Variants in CRIM1 observed in about 807,000 individuals in gnomAD.
The protein encoded by CRIM1 is cysteine-rich motor neuron 1 protein.
Under a neutral mutation model 116.4 loss-of-function variants are expected in CRIM1, and 32 were observed. That is an observed-to-expected ratio of 0.27 (90% confidence interval 0.21 to 0.37). CRIM1 has a LOEUF of 0.37. Among genes scored for constraint, CRIM1 ranks in the 10% least tolerant of loss-of-function variants. The pLI is 1.00. For synonymous variants in CRIM1, 590 were observed against 509.2 expected (o/e 1.16, Z -2.13); for missense variants, 1,331 against 1,354.8 (o/e 0.98, Z 0.28).
At chr2:36,394,704 C>T (rs1283250956) in intron 1 of CRIM1, among the ~76,000 whole-genome samples, 3 of 151,740 alleles carry the variant, frequency 2.0e-5, no homozygotes, top group African/African-American at 7.3e-5. Context: ...TTAAATAAAA[C>T]ATAAATTGTG....
At chr2:36,357,867 A>G (rs376961742) in intron 1 of CRIM1, among the ~76,000 whole-genome samples, 1 of 152,304 alleles carries the variant, frequency 6.6e-6, no homozygotes, top group East Asian at 1.9e-4. Flanking sequence ...TTTGTTTAGT[A>G]TGCTGGGATA....
intron 8 of CRIM1, among the ~76,000 whole-genome samples, chr2:36,501,139 C>T (rs867023868): frequency 3.9e-5 from 6 of 152,150 alleles, no homozygotes; most frequent in Admixed American, 6.5e-5. Flanking sequence ...CCATTCTCTT[C>T]GATCTCTCTC....
intron 2 of CRIM1, 71 bp from the exon 3 acceptor site, chr2:36,441,186 AC>A (rs1300112404): frequency 6.3e-7 from 1 of 1,589,096 alleles, no homozygotes; most frequent in African/African-American, 1.3e-5. Context: ...GATCATCAGG[AC>A]TGTTTGTTCT....
At chr2:36,411,880 G>A (rs1036075210) in intron 2 of CRIM1, among the ~76,000 whole-genome samples, 2 of 152,060 alleles carry the variant, frequency 1.3e-5, no homozygotes, top group Admixed American at 6.6e-5. Flanking sequence ...GCTTATAGAG[G>A]ATAAGCTATG....
At chr2:36,517,187 C>T (rs2125120901) in intron 11 of CRIM1, 140 bp from the exon 12 acceptor site, 1 of 654,324 alleles carries the variant, frequency 1.5e-6, no homozygotes, top group East Asian at 2.7e-5. Flanking sequence ...ATATTTTCTT[C>T]ACTATTCTCT....
intron 4 of CRIM1, among the ~76,000 whole-genome samples, chr2:36,445,545 AGTCTT>A (rs749543262): frequency 4.6e-5 from 7 of 152,332 alleles, no homozygotes; most frequent in Non-Finnish European, 7.3e-5. Flanking sequence ...GAATGCGTGA[AGTCTT>A]GTCTTATCAG....
intron 2 of CRIM1, among the ~76,000 whole-genome samples, chr2:36,397,483 G>C (rs969449275): frequency 6.6e-6 from 1 of 152,120 alleles, no homozygotes; most frequent in South Asian, 2.1e-4. Context: ...GTAAAGCCTG[G>C]GTTTGGGTCT....
chr2:36,432,871 C>T (rs140639035), intron 2 of CRIM1, among the ~76,000 whole-genome samples: 1 of 152,150 alleles, frequency 6.6e-6, no homozygotes, highest in Non-Finnish European at 1.5e-5. Context: ...GCACTCTGAG[C>T]TTTTGGATTT....
At chr2:36,530,755 C>T (rs1414313279) in intron 13 of CRIM1, among the ~76,000 whole-genome samples, 4 of 152,208 alleles carry the variant, frequency 2.6e-5, no homozygotes, top group African/African-American at 7.2e-5. Context: ...TAAATGACTT[C>T]ACTGAAGTTT....
At chr2:36,367,487 T>A (rs971507507) in intron 1 of CRIM1, among the ~76,000 whole-genome samples, 5 of 152,214 alleles carry the variant, frequency 3.3e-5, no homozygotes, top group Non-Finnish European at 7.4e-5. Context: ...TTGGCATGAC[T>A]TTGCCTTAAT....
chr2:36,514,439 T>C (rs1408885627), intron 11 of CRIM1, among the ~76,000 whole-genome samples: 1 of 152,184 alleles, frequency 6.6e-6, no homozygotes, highest in Non-Finnish European at 1.5e-5. Context: ...AACACAGTCT[T>C]ATATCTATTA....
intron 5 of CRIM1, among the ~76,000 whole-genome samples, chr2:36,466,680 A>G (rs539520109): frequency 6.6e-6 from 1 of 152,342 alleles, no homozygotes; most frequent in Admixed American, 6.5e-5. Context: ...TATCTGCCTC[A>G]CAGAGGACAC....
At chr2:36,440,180 C>T (rs1330337344) in intron 2 of CRIM1, among the ~76,000 whole-genome samples, 3 of 152,186 alleles carry the variant, frequency 2.0e-5, no homozygotes, top group African/African-American at 7.2e-5. Flanking sequence ...TGACCTTAGC[C>T]AGGTCACTTA....
At chr2:36,374,980 A>AGACATTTTAATTCTGTT (rs990222199) in intron 1 of CRIM1, among the ~76,000 whole-genome samples, 2 of 151,680 alleles carry the variant, frequency 1.3e-5, no homozygotes, top group African/African-American at 2.4e-5. Flanking sequence ...CTCCAGGTAG[A>AGACATTTTAATTCTGTT]GACATTTTAA....
chr2:36,506,181 T>TCACACA (rs3076519), intron 8 of CRIM1, among the ~76,000 whole-genome samples: 3 of 120,866 alleles, frequency 2.5e-5, no homozygotes, highest in Non-Finnish European at 3.4e-5. Context: ...TCTCTCTCTC[T>TCACACA]CACACACACA....
chr2:36,464,576 G>T lies in CRIM1; in HGVS notation c.912G>T (p.Glu304Asp), dbSNP rs1192112094. ...GCTTATGTGGTTTCCCCGTGTGTGA[G>T]GTGGGATCCACTCCCCGCATAGTCT... ...LSGLCGFPVC[E>D]VGSTPRIVSR... The change falls in exon 5 of 17, where the codon GAG becomes GAT. Residue 304 changes from glutamate to aspartate, a missense_variant. Transcript: ENST00000280527. 1 of 1,614,008 alleles carries T rather than the reference G, an allele frequency of 6.2e-7. No homozygotes were observed. The highest frequency in any genetic ancestry group is 8.5e-7 in the Non-Finnish European group (1 of 1,180,004).
Position 36,546,968 on chromosome 2 carries a change from A to AT in CRIM1, c.2747-8dup. ...CTGGTTTAGGTAATAAATGCTTATA[A>AT]TTTTTTTTCTCCTAGATATGGGTCA... On this transcript the variant is annotated splice_polypyrimidine_tract_variant and intron_variant, in intron 15 of 16. Coordinates refer to ENST00000280527, the MANE Select transcript of CRIM1 (RefSeq NM_016441.3). 4.7e-5 allele frequency: 70 copies of AT among 1,483,596 alleles called. No individual in the cohort carries two copies. Among genetic ancestry groups the AT allele is most frequent in the Admixed American group, 6.2e-5 (3 of 48,572 alleles). 91.9% of individuals were successfully genotyped at this position (1,483,596 alleles called of 1,614,324 possible).
intron 14 of CRIM1, among the ~76,000 whole-genome samples, chr2:36,537,888 A>G (rs568284426): frequency 3.9e-5 from 6 of 152,370 alleles, no homozygotes; most frequent in Non-Finnish European, 7.3e-5. Flanking sequence ...ATGGTCCAAG[A>G]TGGGACCCAG....
At chr2:36,384,904 G>C (rs1356273715) in intron 1 of CRIM1, among the ~76,000 whole-genome samples, 1 of 152,108 alleles carries the variant, frequency 6.6e-6, no homozygotes, top group Non-Finnish European at 1.5e-5. Flanking sequence ...TAAGAAAAAA[G>C]GTTTTGACAT....
Sources: allele counts gnomAD v4.1 joint callset (sites outside exome capture counted in the v4.1 genomes callset), GRCh38; gene constraint gnomAD v4.1.1; transcripts MANE v1.5; gene names NCBI Gene and HGNC (gene_info 2026-07-23, HGNC 2026-07-21).